SLC68A1: variants seen among roughly 807,000 people sequenced by gnomAD.
SLC68A1 encodes the protein solute carrier family 68 member 1.
the SLC68A1 span, chr10:102,471,499 C>T: frequency 1.3e-6 from 2 of 1,497,372 alleles, no homozygotes; most frequent in Non-Finnish European, 1.8e-6. Flanking sequence ...GTGGCTCATG[C>T]CTGTAGTCCC....
At chr10:102,476,845 G>C in the SLC68A1 span, 1 of 985,584 alleles carries the variant, frequency 1.0e-6, no homozygotes, top group Non-Finnish European at 1.2e-6. Flanking sequence ...GCTCCCTTTT[G>C]CCCAGTCAGG....
chr10:102,469,814 T>C, the SLC68A1 span: 1 of 984,878 alleles, frequency 1.0e-6, no homozygotes, highest in Non-Finnish European at 1.2e-6. Context: ...CCCAAAGTGC[T>C]GGTGTGAGCC....
chr10:102,470,846 C>T, the SLC68A1 span: 1 of 1,613,542 alleles, frequency 6.2e-7, no homozygotes, highest in East Asian at 2.2e-5. Flanking sequence ...GGACCTGCAC[C>T]ACCATGCCTT....
chr10:102,462,801 CTG>C, the SLC68A1 span, among the ~76,000 whole-genome samples: 2 of 152,230 alleles, frequency 1.3e-5, no homozygotes, highest in African/African-American at 4.8e-5. Flanking sequence ...CAGATTGTTT[CTG>C]TGTCTCTTAG....
At chr10:102,469,845 G>T in the SLC68A1 span, 1 of 1,410,412 alleles carries the variant, frequency 7.1e-7, no homozygotes, top group African/African-American at 1.4e-5. Flanking sequence ...GGCCAGAGTG[G>T]GTTTTAGCAG....
the SLC68A1 span, chr10:102,471,501 T>A: frequency 3.3e-6 from 5 of 1,495,720 alleles, no homozygotes; most frequent in Non-Finnish European, 4.5e-6. Context: ...GGCTCATGCC[T>A]GTAGTCCCAG....
chr10:102,468,825 A>T, the SLC68A1 span: 1 of 558,018 alleles, frequency 1.8e-6, no homozygotes. Context: ...TACTTCATTC[A>T]TAATTCCCAG....
At chr10:102,476,050 TG>T in the SLC68A1 span, 3,834 of 1,336,724 alleles carry the variant, frequency 2.9e-3, 61 homozygotes, top group Non-Finnish European at 3.1e-3. Context: ...CAGTTTTTTT[TG>T]GTTTTTTTTT....
chr10:102,476,657 C>A, the SLC68A1 span: 1 of 986,148 alleles, frequency 1.0e-6, no homozygotes, highest in Non-Finnish European at 1.2e-6. Context: ...AAGGGCTGGG[C>A]CATATGTGCT....
chr10:102,474,634 G>A, the SLC68A1 span, among the ~76,000 whole-genome samples: 1 of 152,028 alleles, frequency 6.6e-6, no homozygotes, highest in African/African-American at 2.4e-5. Flanking sequence ...TGTTGGGAGG[G>A]TTTTATTTTT....
At chr10:102,476,519 C>T in the SLC68A1 span, 339,650 of 985,612 alleles carry the variant, frequency 0.34, 59,300 homozygotes, top group Admixed American at 0.37. Flanking sequence ...GCTAGTTTTA[C>T]CAGCACCCTG....
At chr10:102,461,772 T>C in the SLC68A1 span, 22,012 of 152,162 alleles carry the variant, frequency 0.14, 2,060 homozygotes, top group East Asian at 0.43. Flanking sequence ...TCGGGATCCG[T>C]GCCATTAGCA....
chr10:102,467,722 T>C, the SLC68A1 span, among the ~76,000 whole-genome samples: 3 of 152,138 alleles, frequency 2.0e-5, no homozygotes, highest in Non-Finnish European at 4.4e-5. Flanking sequence ...GTTGGCGCAA[T>C]CTTGGCTCAC....
chr10:102,473,574 CTCCTATGTCGCTCCCCA>C, the SLC68A1 span: 1 of 1,605,764 alleles, frequency 6.2e-7, no homozygotes, highest in Non-Finnish European at 8.5e-7. Context: ...CCCCAGGCCT[CTCCTATGTCGCTCCCCA>C]TCTCAACAAC....
chr10:102,467,295 C>A, the SLC68A1 span, among the ~76,000 whole-genome samples: 8 of 152,220 alleles, frequency 5.3e-5, no homozygotes, highest in Non-Finnish European at 8.8e-5. Context: ...CTTGGCCTCC[C>A]AAAGTGCTGG....
the SLC68A1 span, chr10:102,469,191 C>G: frequency 1.3e-4 from 214 of 1,613,068 alleles, no homozygotes; most frequent in Non-Finnish European, 1.6e-4. Flanking sequence ...CCTTCTGGGT[C>G]GGAGAGGTAG....
At chr10:102,475,357 A>G in the SLC68A1 span, among the ~76,000 whole-genome samples, 12 of 151,202 alleles carry the variant, frequency 7.9e-5, no homozygotes, top group South Asian at 2.3e-3. Context: ...GGAGGCCAGA[A>G]TGGGGACAGC....
At chr10:102,468,842 T>G in the SLC68A1 span, 1 of 580,634 alleles carries the variant, frequency 1.7e-6, no homozygotes, top group Non-Finnish European at 3.1e-6. Context: ...CCAGCGCTGT[T>G]GTAAGTACAA....
At chr10:102,469,209 G>C in the SLC68A1 span, 15 of 1,613,734 alleles carry the variant, frequency 9.3e-6, no homozygotes, top group African/African-American at 1.7e-4. Context: ...TAGGGCCAGT[G>C]CTGGGTGGCT....
Sources: gnomAD v4.1 joint callset for allele counts (sites outside exome capture counted in the v4.1 genomes callset) on GRCh38, gnomAD v4.1.1 for gene constraint, MANE v1.5 for transcripts, NCBI Gene and HGNC (gene_info 2026-07-23, HGNC 2026-07-21) for gene names.